Variants in FKBP5 observed in about 807,000 individuals in gnomAD.
FKBP5 encodes the protein FKBP prolyl isomerase 5.
Under a neutral mutation model 50.5 loss-of-function variants are expected in FKBP5, and 23 were observed. That is an observed-to-expected ratio of 0.46 (90% CI 0.33 to 0.65). The LOEUF (loss-of-function observed/expected upper bound fraction) is 0.65, where lower values mean the gene tolerates loss of function less well. Among genes scored for constraint, FKBP5 ranks in the 30% least tolerant of loss-of-function variants. The pLI is 0.02. For missense variants in FKBP5, 411 were observed against 553.1 expected, an observed-to-expected ratio of 0.74 and a Z score of 2.58; for synonymous variants, 176 against 190.6, an observed-to-expected ratio of 0.92 and a Z score of 0.63.
chr6:35,635,346 C>T (rs925763525), intron 3 of FKBP5, among the ~76,000 whole-genome samples: 1 of 152,048 alleles, frequency 6.6e-6, no homozygotes. Flanking sequence ...GTGGCATGCA[C>T]CTGTATTCCC....
In FKBP5 at chr6:35,714,111, A is replaced by G. The variant is rs186745286; in HGVS notation, c.-20+6217T>C. On this transcript the variant is annotated intron_variant, in intron 2 of 11. Transcript: ENST00000536438. ...AGGAGCTGACACCCACCCATGGTTA[A>G]GCAGGTCCTTAAGGGGTTATGAGGA... is the stretch of plus-strand genomic sequence containing the variant. Among the ~76,000 whole-genome samples, 16 of 151,302 alleles carry G rather than the reference A, an allele frequency of 1.1e-4. No homozygotes were observed. The East Asian group carries it at 2.8e-3, about 26-fold the overall frequency.
chr6:35,699,939 C>T (rs541006889), intron 2 of FKBP5, among the ~76,000 whole-genome samples: 3 of 151,846 alleles, frequency 2.0e-5, no homozygotes, highest in East Asian at 2.0e-4. Context: ...CCCAGCTACT[C>T]GGGAGACTGA....
chr6:35,705,157 A>G (rs2151019864), intron 2 of FKBP5, among the ~76,000 whole-genome samples: 1 of 146,994 alleles, frequency 6.8e-6, no homozygotes, highest in Non-Finnish European at 1.5e-5. Flanking sequence ...AACAACAACA[A>G]CAACAACAAA....
At position 35,589,110 on chromosome 6, in the gene FKBP5, T is replaced by TATATA. The variant is rs1561846500; in HGVS notation, c.757-1994_757-1993insTATAT. Among the ~76,000 whole-genome samples the TATATA allele has an allele frequency of 7.4e-3, 757 of 102,920 alleles. 6 individuals carry two copies. The highest frequency in any genetic ancestry group is 0.025 in the African/African-American group (583 of 23,592). 67.5% of individuals were successfully genotyped at this position (102,920 alleles called of 152,430 possible). ...TATATTTTTATATATATATATATTT[T>TATATA]TATATATATATATATATATTTTTTT... On this transcript the variant is annotated intron_variant, in intron 7 of 10. Transcript: ENST00000357266.
chr6:35,714,485 G>A (rs1055876076), intron 2 of FKBP5, among the ~76,000 whole-genome samples: 2 of 148,058 alleles, frequency 1.4e-5, no homozygotes, highest in African/African-American at 5.0e-5. Flanking sequence ...AAAACAAGAT[G>A]TATAGGATTT....
At chr6:35,636,947 C>A in intron 3 of FKBP5, 67 bp downstream of exon 3, 1 of 1,389,752 alleles carries the variant, frequency 7.2e-7, no homozygotes, top group Non-Finnish European at 9.6e-7. Context: ...ATAGAATCCT[C>A]TGCTCCTATA....
At chr6:35,594,687 T>C (rs1241949065) in intron 6 of FKBP5, among the ~76,000 whole-genome samples, 1 of 152,048 alleles carries the variant, frequency 6.6e-6, no homozygotes, top group Non-Finnish European at 1.5e-5. Flanking sequence ...CACACACATA[T>C]ATAGCATGTA....
chr6:35,700,768 A>T (rs1766166369), intron 2 of FKBP5, among the ~76,000 whole-genome samples: 2 of 151,842 alleles, frequency 1.3e-5, no homozygotes, highest in South Asian at 4.1e-4. Context: ...GACCAGCCTG[A>T]CCAATATGGC....
chr6:35,603,517 T>C (rs949075515), intron 5 of FKBP5, among the ~76,000 whole-genome samples: 3 of 152,354 alleles, frequency 2.0e-5, no homozygotes, highest in Non-Finnish European at 4.4e-5. Flanking sequence ...ATACAAATTT[T>C]CCTTTTTGAA....
chr6:35,630,743 C>T (rs1764130165), intron 3 of FKBP5, among the ~76,000 whole-genome samples: 1 of 152,130 alleles, frequency 6.6e-6, no homozygotes, highest in Non-Finnish European at 1.5e-5. Context: ...CTTCTCTGTA[C>T]CTTAGTCTGT....
rs150213927 is a variant in FKBP5, at chr6:35,711,573, G to A, written c.-20+8755C>T. Among the ~76,000 whole-genome samples the A allele has an allele frequency of 4.6e-5, 7 of 151,432 alleles. 1 individual carries two copies. The South Asian group carries it at 8.4e-4, about 18-fold the overall frequency. ...GTGAAGGCTACAGTGAGCTGAGGCC[G>A]TGCCACTGTGCTCCAGCCTGGGCAA... is the stretch of plus-strand genomic sequence containing the variant. On this transcript the variant is annotated intron_variant, in intron 2 of 11. Transcript: ENST00000536438.
chr6:35,595,593 A>G (rs575861258), intron 6 of FKBP5, among the ~76,000 whole-genome samples: 2 of 152,204 alleles, frequency 1.3e-5, no homozygotes, highest in East Asian at 3.9e-4. Context: ...TCCACAAAAA[A>G]TACAAAAAGT....
upstream of FKBP5, among the ~76,000 whole-genome samples, chr6:35,692,619 T>G (rs1766009935): frequency 6.6e-6 from 1 of 151,926 alleles, no homozygotes. Flanking sequence ...GCCAACATGG[T>G]GAAACCCTGT....
Position 35,575,733 on chromosome 6 carries a change from C to T in FKBP5, c.*102G>A. ...CCATTTGCTTCCAGAATCACATAGA[C>T]TATAACAAACTTTACATTAAACACT... On this transcript the variant is annotated 3_prime_UTR_variant, in exon 11 of 11. Transcript: ENST00000357266. 1 of 849,354 alleles carries T rather than the reference C, an allele frequency of 1.2e-6. No homozygotes were observed. 52.6% of individuals were successfully genotyped at this position (849,354 alleles called of 1,614,324 possible). A position where few individuals can be genotyped will look rare whatever the true frequency, so the allele number is the denominator to read the frequency against.
intron 9 of FKBP5, among the ~76,000 whole-genome samples, chr6:35,577,599 A>G (rs1434793792): frequency 6.6e-6 from 1 of 152,270 alleles, no homozygotes; most frequent in Non-Finnish European, 1.5e-5. Context: ...CAGTTTGGTT[A>G]CTAGCATGTG....
chr6:35,621,279 G>A (rs1166451498), intron 3 of FKBP5, among the ~76,000 whole-genome samples: 1 of 152,136 alleles, frequency 6.6e-6, no homozygotes, highest in African/African-American at 2.4e-5. Context: ...ACTGTAAGCA[G>A]TATCAAGTCC....
rs571911948 is a variant in FKBP5, at chr6:35,615,114, ACT to A, written c.508+3980_508+3981del. On this transcript the variant is annotated intron_variant, in intron 5 of 10. Coordinates refer to ENST00000357266, the MANE Select transcript of FKBP5 (RefSeq NM_004117.4). The stretch of plus-strand genomic sequence containing the variant: ...ACTCCAGCCTGGGCGACAGAGTGAG[ACT>A]CTGTCGCAAACAACAACAACAACAA... 4.7e-5 allele frequency among the ~76,000 whole-genome samples: 7 copies of A among 148,532 alleles called. 1 individual carries two copies. The South Asian group carries it at 1.5e-3, about 31-fold the overall frequency.
chr6:35,717,404 G>C (rs1311984473), intron 2 of FKBP5, among the ~76,000 whole-genome samples: 1 of 152,218 alleles, frequency 6.6e-6, no homozygotes, highest in Admixed American at 6.5e-5. Flanking sequence ...GTATGTGTGA[G>C]TGTGTGCTCC....
chr6:35,665,666 T>C (rs187533353), intron 1 of FKBP5, among the ~76,000 whole-genome samples: 166 of 152,298 alleles, frequency 1.1e-3, no homozygotes, highest in African/African-American at 3.7e-3. Flanking sequence ...TCTAAATCTG[T>C]ACAATACACA....
Sources: allele counts gnomAD v4.1 joint callset (sites outside exome capture counted in the v4.1 genomes callset), GRCh38; gene constraint gnomAD v4.1.1; transcripts MANE v1.5; gene names NCBI Gene and HGNC (gene_info 2026-07-23, HGNC 2026-07-21).